ZNF577: variants seen among roughly 807,000 people sequenced by gnomAD.
ZNF577 encodes zinc finger protein 577.
A neutral mutation model predicts 13.9 loss-of-function variants in ZNF577; 14 were observed. The observed-to-expected ratio is 1.00, with a 90% CI of 0.66 to 1.57. The LOEUF is 1.57. Ranked by LOEUF, ZNF577 falls within the 40% of genes most tolerant of loss-of-function variation. The pLI is 0.00. For missense variants in ZNF577, 555 were observed against 579.2 expected, an observed-to-expected ratio of 0.96 and a Z score of 0.43; for synonymous variants, 203 against 202.9, an observed-to-expected ratio of 1.00 and a Z score of 0.00.
chr19:51,845,053 G>C (rs576027124), intron 5 of ZNF577: 2 of 152,226 alleles, frequency 1.3e-5, no homozygotes, highest in East Asian at 3.9e-4. Context: ...AAAATTGTAT[G>C]TATTTATCAG....
At position 51,872,753 on chromosome 19, in the gene ZNF577, C is replaced by T. The variant is rs1172614236; in HGVS notation, c.1237G>A (p.Val413Ile). Residue 413 changes from valine (V) to isoleucine (I), a missense_variant, in exon 6 of 6, where the codon GTA becomes ATA. By Grantham distance (29) the Val-to-Ile change is conservative. Coordinates refer to ENST00000638348, the MANE Select transcript of ZNF577 (RefSeq NM_001370449.1). ...CCTGAGGAAGGCATTTCTATAGGTA[C>T]TGTGTTCACAGTCTTTTGCTCTTGT... ...LIQEQKTVNT[V>I]PIEMPSSGTP... 1 of 1,614,202 alleles carries T rather than the reference C, an allele frequency of 6.2e-7. No individual in the cohort carries two copies. Among genetic ancestry groups the T allele is most frequent in the Non-Finnish European group, 8.5e-7 (1 of 1,180,036 alleles).
Position 51,851,514 on chromosome 19 carries a change from T to C in ZNF577, c.284-6583A>G, listed in dbSNP as rs192468776. 7.2e-5 allele frequency among the ~76,000 whole-genome samples: 11 copies of C among 152,262 alleles called. No individual in the cohort carries two copies. In the East Asian group the frequency reaches 2.1e-3, roughly 29 times the overall value. On this transcript the variant is annotated intron_variant and NMD_transcript_variant, in intron 5 of 10. Coordinates refer to the ZNF577 transcript ENST00000638827. ...CTTTCCCATACGTTGAAAATTCATATTGCACCCAAACTTCTCTCCTGAGTC... is the reference window on the plus strand; with the variant it reads ...CTTTCCCATACGTTGAAAATTCATACTGCACCCAAACTTCTCTCCTGAGTC...
chr19:51,842,714 G>T (rs892879949), intron 8 of ZNF577: 1 of 152,162 alleles, frequency 6.6e-6, no homozygotes, highest in Non-Finnish European at 1.5e-5. Flanking sequence ...CACCCTTAAA[G>T]GTTCACAGAC....
chr19:51,860,034 TG>T (rs1181312026), intron 5 of ZNF577, among the ~76,000 whole-genome samples: 11 of 152,164 alleles, frequency 7.2e-5, no homozygotes, highest in African/African-American at 1.2e-4. Flanking sequence ...GAATATTCTC[TG>T]GAATCCTTTC....
At chr19:51,884,662 T>C (rs935043646) in intron 1 of ZNF577, among the ~76,000 whole-genome samples, 3 of 152,020 alleles carry the variant, frequency 2.0e-5, no homozygotes, top group Non-Finnish European at 4.4e-5. Context: ...AAAAGAATTA[T>C]AGAGATAGGT....
At chr19:51,825,122 C>A (rs1038611053) in intron 9 of ZNF577, 3 of 279,564 alleles carry the variant, frequency 1.1e-5, no homozygotes, top group African/African-American at 6.7e-5. Flanking sequence ...AAACTTCGGA[C>A]CAACCAGCTT....
At chr19:51,829,854 C>T (rs1394920042) in intron 9 of ZNF577, among the ~76,000 whole-genome samples, 1 of 152,182 alleles carries the variant, frequency 6.6e-6, no homozygotes, top group Non-Finnish European at 1.5e-5. Flanking sequence ...TTCCTGCTAT[C>T]ACTCCTTGTC....
intron 9 of ZNF577, among the ~76,000 whole-genome samples, chr19:51,828,826 T>C (rs996171447): frequency 6.6e-6 from 1 of 152,170 alleles, no homozygotes; most frequent in Admixed American, 6.5e-5. Context: ...AGGTGTTGCC[T>C]TGGGGACTCT....
chr19:51,845,228 C>T (rs776843621), intron 5 of ZNF577, among the ~76,000 whole-genome samples: 26 of 152,138 alleles, frequency 1.7e-4, no homozygotes, highest in Admixed American at 8.5e-4. Flanking sequence ...GGCACGGTGG[C>T]TCACACCTGT....
At chr19:51,878,203 A>G in intron 4 of ZNF577, 186 bp downstream of exon 4, 2 of 468,684 alleles carry the variant, frequency 4.3e-6, no homozygotes, top group South Asian at 4.4e-5. Flanking sequence ...ATGTGCGCGA[A>G]TGCATTTAAC....
At chr19:51,831,572 A>T (rs2084261317) in intron 9 of ZNF577, among the ~76,000 whole-genome samples, 1 of 151,620 alleles carries the variant, frequency 6.6e-6, no homozygotes, top group Admixed American at 6.6e-5. Flanking sequence ...TTCTGCATTC[A>T]CTCTTGCTCT....
At chr19:51,848,634 C>T (rs982053202) in intron 5 of ZNF577, among the ~76,000 whole-genome samples, 1 of 152,116 alleles carries the variant, frequency 6.6e-6, no homozygotes, top group Admixed American at 6.5e-5. Flanking sequence ...GTGGAGCAGA[C>T]ACGGGCAACC....
rs184523594 is a variant in ZNF577 at position 51,869,184 on chromosome 19, A to T, written c.*3348T>A. Among the ~76,000 whole-genome samples, 4 of 152,130 alleles carry T rather than the reference A, an allele frequency of 2.6e-5. No individual in the cohort carries two copies. The highest frequency in any genetic ancestry group is 4.4e-5 in the Non-Finnish European group (3 of 68,022). On this transcript the variant is annotated 3_prime_UTR_variant, in exon 6 of 6. Coordinates refer to ENST00000638348, the MANE Select transcript of ZNF577 (RefSeq NM_001370449.1). ...AGAGGAAGGCCTCTTTGCAGTTGAG[A>T]TAAGAGGAAGGCATCTGTCTCTTGC...
intron 10 of ZNF577, among the ~76,000 whole-genome samples, chr19:51,807,648 A>T (rs1223873610): frequency 1.3e-5 from 2 of 152,212 alleles, no homozygotes; most frequent in Non-Finnish European, 2.9e-5. Context: ...AAGTCTGTCC[A>T]CCTGGAATAG....
At chr19:51,848,059 C>A (rs1399866985) in intron 5 of ZNF577, among the ~76,000 whole-genome samples, 1 of 152,174 alleles carries the variant, frequency 6.6e-6, no homozygotes, top group African/African-American at 2.4e-5. Flanking sequence ...TGCGAGACAG[C>A]CATTCTAGGC....
rs1340485794 is a variant in ZNF577 at position 51,871,153 on chromosome 19, T to C, written c.*1379A>G. 1 of 152,178 alleles carries C rather than the reference T, an allele frequency of 6.6e-6. No homozygotes were observed. Among genetic ancestry groups the C allele is most frequent in the East Asian group, 1.9e-4 (1 of 5,186 alleles). 9.4% of individuals were successfully genotyped at this position (152,178 alleles called of 1,614,324 possible). A position where few individuals can be genotyped will look rare whatever the true frequency, so the allele number is the denominator to read the frequency against. ...GAGTCTTATTCTGTCACCCACGCTGTAGTGCAGTGGCATGATCATAGCTCA... is the reference window on the plus strand; with the variant it reads ...GAGTCTTATTCTGTCACCCACGCTGCAGTGCAGTGGCATGATCATAGCTCA... On this transcript the variant is annotated 3_prime_UTR_variant, in exon 6 of 6. Coordinates refer to ENST00000638348, the MANE Select transcript of ZNF577 (RefSeq NM_001370449.1).
At chr19:51,837,586 T>C (rs1020999227) in intron 9 of ZNF577, among the ~76,000 whole-genome samples, 9 of 152,238 alleles carry the variant, frequency 5.9e-5, no homozygotes, top group African/African-American at 9.6e-5. Context: ...AAAAGCATTA[T>C]GCTAAGTGCA....
At chr19:51,853,227 T>A (rs2084388421) in intron 5 of ZNF577, among the ~76,000 whole-genome samples, 2 of 152,160 alleles carry the variant, frequency 1.3e-5, no homozygotes, top group African/African-American at 4.8e-5. Flanking sequence ...ATGAGCCAGG[T>A]GATGGGCCCT....
At chr19:51,836,575 T>A (rs2084288501) in intron 9 of ZNF577, among the ~76,000 whole-genome samples, 2 of 152,214 alleles carry the variant, frequency 1.3e-5, no homozygotes. Context: ...TGTTGTTGTT[T>A]CCACACGAAC....
Sources: allele counts gnomAD v4.1 joint callset (sites outside exome capture counted in the v4.1 genomes callset), GRCh38; gene constraint gnomAD v4.1.1; transcripts MANE v1.5; gene names NCBI Gene and HGNC (gene_info 2026-07-23, HGNC 2026-07-21).